TRIM44: variants seen among roughly 807,000 people sequenced by gnomAD.
The protein encoded by TRIM44 is tripartite motif containing 44, also known as tripartite motif-containing protein 44.
A neutral mutation model predicts 37.4 loss-of-function variants in TRIM44; 13 were observed. The ratio of observed to expected loss-of-function variants is 0.35; its 90% CI spans 0.23 to 0.55. The LOEUF (loss-of-function observed/expected upper bound fraction) is 0.55, where lower values mean the gene tolerates loss of function less well. TRIM44 is among the 20% of genes least tolerant of loss of function. The probability of loss-of-function intolerance (pLI) is 0.89; values close to 1 mark genes in which losing one functional copy is unlikely to be tolerated. For missense variants in TRIM44, 426 were observed against 437.2 expected, an observed-to-expected ratio of 0.97 and a Z score of 0.23; for synonymous variants, 175 against 157.2, an observed-to-expected ratio of 1.11 and a Z score of -0.85.
chr11:35,717,463 G>T (rs1393109212), intron 2 of TRIM44, among the ~76,000 whole-genome samples: 1 of 152,008 alleles, frequency 6.6e-6, no homozygotes, highest in East Asian at 1.9e-4. Context: ...GACCAATCAG[G>T]ACTCCTGACT....
At chr11:35,778,004 C>T (rs892756827) in intron 4 of TRIM44, among the ~76,000 whole-genome samples, 2 of 152,136 alleles carry the variant, frequency 1.3e-5, no homozygotes, top group African/African-American at 4.8e-5. Context: ...TGTTGGCCTG[C>T]CTTGCTAGGC....
At chr11:35,755,964 C>G (rs1173207911) in intron 4 of TRIM44, among the ~76,000 whole-genome samples, 12 of 151,650 alleles carry the variant, frequency 7.9e-5, no homozygotes, top group African/African-American at 1.9e-4. Context: ...GTTCTTTTGG[C>G]TTAGGATTGA....
At chr11:35,697,458 T>A (rs115528573) in intron 2 of TRIM44, among the ~76,000 whole-genome samples, 2,881 of 148,990 alleles carry the variant, frequency 0.019, 105 homozygotes, top group African/African-American at 0.068. Context: ...TTTTTTTTTT[T>A]AATTTTATTA....
intron 2 of TRIM44, among the ~76,000 whole-genome samples, chr11:35,709,403 A>G (rs533533841): frequency 1.3e-5 from 2 of 152,288 alleles, no homozygotes; most frequent in East Asian, 1.9e-4. Context: ...TAAGTGGGCA[A>G]GAAAAATGAA....
rs1385575990 is a variant in TRIM44, at chr11:35,807,421, C to A, written c.*1036C>A. 1 of 152,206 alleles carries A rather than the reference C, an allele frequency of 6.6e-6. No individual in the cohort carries two copies. The highest frequency in any genetic ancestry group is 1.5e-5 in the Non-Finnish European group (1 of 68,054). The allele number at this position is 152,206 out of a possible 1,614,324, so 9.4% of individuals were successfully genotyped here. A position where few individuals can be genotyped will look rare whatever the true frequency, so the allele number is the denominator to read the frequency against. Reference sequence around the variant, plus strand: ...CAGAACCCTTCTTCCTGTGGCACTCCCCACCCATAGACCTTCAGATCATCT... The same window carrying A: ...CAGAACCCTTCTTCCTGTGGCACTCACCACCCATAGACCTTCAGATCATCT... On this transcript the variant is annotated 3_prime_UTR_variant, in exon 5 of 5. Transcript: ENST00000299413.
chr11:35,757,202 G>A (rs1852656506), intron 4 of TRIM44, among the ~76,000 whole-genome samples: 1 of 152,190 alleles, frequency 6.6e-6, no homozygotes, highest in African/African-American at 2.4e-5. Flanking sequence ...TCTATTCAGA[G>A]ATTCAGCTTC....
At chr11:35,765,147 T>A (rs1852779942) in intron 4 of TRIM44, among the ~76,000 whole-genome samples, 2 of 152,018 alleles carry the variant, frequency 1.3e-5, no homozygotes, top group African/African-American at 4.8e-5. Flanking sequence ...ACAGAAAAAA[T>A]TTAAATCTTA....
At chr11:35,738,857 C>G (rs953133460) in intron 4 of TRIM44, among the ~76,000 whole-genome samples, 7 of 152,110 alleles carry the variant, frequency 4.6e-5, no homozygotes, top group Non-Finnish European at 7.4e-5. Context: ...CCTGTGTCTC[C>G]TTTGCTAGCA....
In TRIM44 at chr11:35,814,283, G is replaced by T. The variant is rs1050618812; in HGVS notation, c.*7898G>T. 1.4e-4 allele frequency: 22 copies of T among 152,204 alleles called. No individual in the cohort carries two copies. The highest frequency in any genetic ancestry group is 4.8e-4 in the African/African-American group (20 of 41,444). The allele number at this position is 152,204 out of a possible 1,614,324, so 9.4% of individuals were successfully genotyped here. A position where few individuals can be genotyped will look rare whatever the true frequency, so the allele number is the denominator to read the frequency against. On this transcript the variant is annotated 3_prime_UTR_variant, in exon 5 of 5. Coordinates refer to ENST00000299413, the MANE Select transcript of TRIM44 (RefSeq NM_017583.6). ...TATAATACCAGCGTGACAGCTTGTG[G>T]TTGGTGGTTTCTAGAAGAAATAATT...
At chr11:35,669,081 G>C (rs1160388579) in intron 1 of TRIM44, among the ~76,000 whole-genome samples, 1 of 151,854 alleles carries the variant, frequency 6.6e-6, no homozygotes, top group Non-Finnish European at 1.5e-5. Context: ...ATTTCTTTTT[G>C]TGCTGGGTTC....
intron 3 of TRIM44, among the ~76,000 whole-genome samples, chr11:35,735,104 G>A (rs1852312138): frequency 6.6e-6 from 1 of 152,174 alleles, no homozygotes; most frequent in Non-Finnish European, 1.5e-5. Context: ...TCTATTTTGG[G>A]TTTCTCACTT....
chr11:35,691,228 A>T (rs1230593609), intron 2 of TRIM44, among the ~76,000 whole-genome samples: 1 of 152,218 alleles, frequency 6.6e-6, no homozygotes, highest in Non-Finnish European at 1.5e-5. Flanking sequence ...AATGGGAAAA[A>T]TACCTGTGCT....
At chr11:35,685,453 A>G (rs181140657) in intron 2 of TRIM44, 117 bp downstream of exon 2, 180 of 821,516 alleles carry the variant, frequency 2.2e-4, no homozygotes, top group Admixed American at 9.6e-4. Flanking sequence ...GATTTAATTA[A>G]GCCTGCCCAT....
chr11:35,748,140 G>A (rs1386224729), intron 4 of TRIM44, among the ~76,000 whole-genome samples: 1 of 151,960 alleles, frequency 6.6e-6, no homozygotes, highest in African/African-American at 2.4e-5. Flanking sequence ...AAATACAGGG[G>A]GCCACATGAA....
rs549232418 is a variant in TRIM44, at chr11:35,758,567, G to A, written c.1007+23122G>A. 7.0e-4 allele frequency among the ~76,000 whole-genome samples: 106 copies of A among 152,206 alleles called. 1 individual carries two copies. Among genetic ancestry groups the A allele is most frequent in the African/African-American group, 2.3e-3 (96 of 41,544 alleles). On this transcript the variant is annotated intron_variant, in intron 4 of 4. Coordinates refer to ENST00000299413, the MANE Select transcript of TRIM44 (RefSeq NM_017583.6). ...ATGATGTTAGCTGGTTATTTTGCTC[G>A]TTAGTTGATGCAGTTTCTTCCCAGC...
chr11:35,685,420 C>A, intron 2 of TRIM44, 84 bp downstream of exon 2: 2 of 1,129,256 alleles, frequency 1.8e-6, no homozygotes, highest in South Asian at 1.3e-5. Flanking sequence ...TGTTGATGAT[C>A]ATCTCTCTGA....
At chr11:35,703,958 C>T (rs1851836119) in intron 2 of TRIM44, among the ~76,000 whole-genome samples, 1 of 152,140 alleles carries the variant, frequency 6.6e-6, no homozygotes, top group Non-Finnish European at 1.5e-5. Context: ...GATCAAACTA[C>T]TCCGAGCTAC....
At chr11:35,800,254 T>G (rs1404966961) in intron 4 of TRIM44, among the ~76,000 whole-genome samples, 1 of 152,108 alleles carries the variant, frequency 6.6e-6, no homozygotes, top group Non-Finnish European at 1.5e-5. Context: ...CTCTTAAAGG[T>G]GGTACAGACC....
Position 35,710,373 on chromosome 11 carries a change from A to G in TRIM44, c.748-15551A>G, listed in dbSNP as rs1409546954. ...TCAATTTAGAAAACTGGGATTCTGAACAATAATTTTCCTGTCTACCCTTCA... is the reference window on the plus strand; with the variant it reads ...TCAATTTAGAAAACTGGGATTCTGAGCAATAATTTTCCTGTCTACCCTTCA... On this transcript the variant is annotated intron_variant, in intron 2 of 4. Transcript: ENST00000299413. Among the ~76,000 whole-genome samples the G allele has an allele frequency of 2.6e-5, 4 of 152,220 alleles. No homozygotes were observed. In the East Asian group the frequency reaches 7.7e-4, roughly 29 times the overall value.
Sources: allele counts gnomAD v4.1 joint callset (sites outside exome capture counted in the v4.1 genomes callset), GRCh38; gene constraint gnomAD v4.1.1; transcripts MANE v1.5; gene names NCBI Gene and HGNC (gene_info 2026-07-23, HGNC 2026-07-21).